Variants in GRAMD1B observed in about 807,000 individuals in gnomAD.
GRAMD1B encodes GRAM domain containing 1B, also known as protein Aster-B.
Under a neutral mutation model 99.7 loss-of-function variants are expected in GRAMD1B, and 37 were observed. The ratio of observed to expected loss-of-function variants is 0.37; its 90% CI spans 0.29 to 0.49. The LOEUF is 0.49. Ranked by LOEUF, GRAMD1B falls within the 20% of genes least tolerant of loss-of-function variation. The pLI, the probability that GRAMD1B is intolerant of heterozygous loss-of-function variation, is 0.98. For missense variants in GRAMD1B, 888 were observed against 1,009.2 expected (o/e 0.88, Z 1.63); for synonymous variants, 427 against 387.6 (o/e 1.10, Z -1.19).
intron 2 of GRAMD1B, among the ~76,000 whole-genome samples, chr11:123,565,407 A>G (rs1054959654): frequency 2.0e-5 from 3 of 152,240 alleles, no homozygotes; most frequent in African/African-American, 4.8e-5. Flanking sequence ...TCATGTGGAT[A>G]CAAACAACCA....
intron 1 of GRAMD1B, among the ~76,000 whole-genome samples, chr11:123,471,825 G>A (rs1386384891): frequency 1.3e-5 from 2 of 152,160 alleles, no homozygotes; most frequent in African/African-American, 2.4e-5. Context: ...CGTATACCTG[G>A]ACAGGTTCAT....
At chr11:123,577,252 AC>A in intron 2 of GRAMD1B, 114 bp from the exon 3 acceptor site, 1 of 859,802 alleles carries the variant, frequency 1.2e-6, no homozygotes, top group Non-Finnish European at 1.9e-6. Flanking sequence ...CCAGCCCCTC[AC>A]CTGGCTCCCT....
At chr11:123,604,591 G>A (rs752242244) in intron 9 of GRAMD1B, among the ~76,000 whole-genome samples, 1 of 152,238 alleles carries the variant, frequency 6.6e-6, no homozygotes, top group African/African-American at 2.4e-5. Flanking sequence ...TTGAATGTCT[G>A]TTGTGCTTAG....
chr11:123,531,907 G>T (rs1469597733), intron 2 of GRAMD1B, among the ~76,000 whole-genome samples: 1 of 151,614 alleles, frequency 6.6e-6, no homozygotes, highest in Non-Finnish European at 1.5e-5. Flanking sequence ...GGCTAATTTT[G>T]TATTTTTTTA....
At chr11:123,362,660 G>A (rs1946184004) in intron 1 of GRAMD1B, among the ~76,000 whole-genome samples, 1 of 152,188 alleles carries the variant, frequency 6.6e-6, no homozygotes. Context: ...AGATGAGGAA[G>A]TATAAAAAGG....
At chr11:123,576,026 A>G (rs1162092345) in intron 2 of GRAMD1B, among the ~76,000 whole-genome samples, 1 of 151,798 alleles carries the variant, frequency 6.6e-6, no homozygotes, top group Non-Finnish European at 1.5e-5. Flanking sequence ...TCCAAAAGTT[A>G]CCGCACTGCC....
At position 123,510,904 on chromosome 11, in the gene GRAMD1B, C is replaced by G. The variant is rs1370099047; in HGVS notation, c.452+30011C>G. ...CAGGTCCTACAAAGCACATGCCCCA[C>G]CTTGGTGTGCTTGGAAGTCGGAGTG... On this transcript the variant is annotated intron_variant, in intron 2 of 19. Transcript: ENST00000635736. This position sits in a 1 kb window ranked among gnomAD's most constrained non-coding sequence, Gnocchi z 4.3. Among the ~76,000 whole-genome samples the G allele has an allele frequency of 6.6e-6, 1 of 152,084 alleles. No homozygotes were observed. Among genetic ancestry groups the G allele is most frequent in the Non-Finnish European group, 1.5e-5 (1 of 68,020 alleles).
intron 2 of GRAMD1B, among the ~76,000 whole-genome samples, chr11:123,493,258 G>T (rs574708598): frequency 4.6e-5 from 7 of 152,238 alleles, no homozygotes; most frequent in African/African-American, 1.7e-4. Context: ...GAAGATAATT[G>T]TACTTACTTT....
At chr11:123,454,590 A>G (rs1475737323) in intron 1 of GRAMD1B, 1 of 152,216 alleles carries the variant, frequency 6.6e-6, no homozygotes, top group East Asian at 1.9e-4. Flanking sequence ...TGTTCTGCAT[A>G]TCTTGCCTTG....
Position 123,393,138 on chromosome 11 carries a change from T to C in GRAMD1B, c.-176+34339T>C, listed in dbSNP as rs114303535. On this transcript the variant is annotated intron_variant, in intron 1 of 20. Transcript: ENST00000638157. ...ATGCTAGAAGGGACATTGAAGATCA[T>C]TAGTCAGGCCTGGGTATTTTACAGA... is the stretch of plus-strand genomic sequence containing the variant. 7.4e-3 allele frequency among the ~76,000 whole-genome samples: 1,122 copies of C among 152,296 alleles called. 19 individuals are homozygous for C. The highest frequency in any genetic ancestry group is 0.026 in the African/African-American group (1,069 of 41,542).
At chr11:123,560,533 T>G (rs1415691829) in intron 2 of GRAMD1B, 14 of 1,255,526 alleles carry the variant, frequency 1.1e-5, no homozygotes, top group Non-Finnish European at 1.3e-5. Flanking sequence ...TGGAGGTGAG[T>G]GCCCTCCAGC....
At chr11:123,373,316 G>T (rs1359617629) in intron 1 of GRAMD1B, among the ~76,000 whole-genome samples, 1 of 151,844 alleles carries the variant, frequency 6.6e-6, no homozygotes, top group Non-Finnish European at 1.5e-5. Context: ...GATAGCACGG[G>T]CACTGGTTTT....
chr11:123,537,240 G>A (rs887424770), intron 2 of GRAMD1B, among the ~76,000 whole-genome samples: 2 of 152,180 alleles, frequency 1.3e-5, no homozygotes, highest in African/African-American at 4.8e-5. Flanking sequence ...CTGGAAAACT[G>A]AGATGCCTCT....
At chr11:123,615,561 T>C (rs1224170428) in intron 17 of GRAMD1B, among the ~76,000 whole-genome samples, 1 of 152,230 alleles carries the variant, frequency 6.6e-6, no homozygotes, top group African/African-American at 2.4e-5. Flanking sequence ...GGCAGGCGCC[T>C]GTAGTCCCAG....
chr11:123,420,225 G>A (rs564275904), intron 1 of GRAMD1B, among the ~76,000 whole-genome samples: 66 of 152,238 alleles, frequency 4.3e-4, no homozygotes, highest in Admixed American at 3.4e-3. Flanking sequence ...TCTCCTCTGC[G>A]GTCCAAAGTG....
At position 123,397,142 on chromosome 11, in the gene GRAMD1B, G is replaced by A. The variant is rs191857879; in HGVS notation, c.-176+38343G>A. Among the ~76,000 whole-genome samples, 884 of 152,214 alleles carry A rather than the reference G, an allele frequency of 5.8e-3. 8 individuals carry two copies. Among genetic ancestry groups the A allele is most frequent in the African/African-American group, 0.02 (825 of 41,506 alleles). On this transcript the variant is annotated intron_variant, in intron 1 of 20. Transcript: ENST00000638157. ...AAACAGGCCAGGTGTGGTGTCCCCC[G>A]CCTGTAATCCTAGCACTTTGGGAGG...
intron 17 of GRAMD1B, among the ~76,000 whole-genome samples, chr11:123,615,055 T>C (rs1954165632): frequency 1.3e-5 from 2 of 152,248 alleles, no homozygotes; most frequent in Non-Finnish European, 2.9e-5. Flanking sequence ...TGCTAGGCCT[T>C]CAGAAGAAAA....
intron 1 of GRAMD1B, among the ~76,000 whole-genome samples, chr11:123,421,371 T>C (rs1948429193): frequency 6.6e-6 from 1 of 152,244 alleles, no homozygotes; most frequent in Non-Finnish European, 1.5e-5. Flanking sequence ...GTGCAGTTTG[T>C]TTTTTAATTA....
chr11:123,618,231 C>T, intron 17 of GRAMD1B: 1 of 821,512 alleles, frequency 1.2e-6, no homozygotes, highest in East Asian at 2.4e-5. Context: ...GTATTTTTTT[C>T]TCATATACTC....
Sources: allele counts gnomAD v4.1 joint callset (sites outside exome capture counted in the v4.1 genomes callset), GRCh38; gene constraint gnomAD v4.1.1; non-coding constraint Gnocchi (gnomAD v3.1); transcripts MANE v1.5; gene names NCBI Gene and HGNC (gene_info 2026-07-23, HGNC 2026-07-21).